The following CCDC192 variants were observed in gnomAD, a reference collection of about 807,000 sequenced individuals.
CCDC192 encodes coiled-coil domain containing 192.
intron 6 of CCDC192, among the ~76,000 whole-genome samples, chr5:127,925,534 CTG>C (rs1753839072): frequency 6.6e-6 from 1 of 152,108 alleles, no homozygotes; most frequent in Non-Finnish European, 1.5e-5. Context: ...CAATTTCTCA[CTG>C]TTGTTTTATT....
Position 127,754,124 on chromosome 5 carries a change from T to C in CCDC192, c.115-144T>C, listed in dbSNP as rs1403703260. On this transcript the variant is annotated intron_variant, in intron 2 of 6. Coordinates refer to ENST00000514853, the MANE Select transcript of CCDC192 (RefSeq NM_001317938.2). The stretch of plus-strand genomic sequence containing the variant: ...AACATTTTGCTGTTTTATTTCCATG[T>C]TAAGAAAAGGGGAGGATTTGTGTGA... 5 of 388,120 alleles carry C rather than the reference T, an allele frequency of 1.3e-5. No homozygotes were observed. The East Asian group carries it at 1.8e-4, about 14-fold the overall frequency. 24.0% of individuals were successfully genotyped at this position (388,120 alleles called of 1,614,324 possible).
intron 2 of CCDC192, among the ~76,000 whole-genome samples, chr5:127,749,167 G>A (rs1753970053): frequency 6.6e-6 from 1 of 151,854 alleles, no homozygotes; most frequent in Non-Finnish European, 1.5e-5. Context: ...GGAGTGGTGA[G>A]AGAGGGCATC....
At chr5:127,796,105 G>A (rs539661184) in intron 3 of CCDC192, among the ~76,000 whole-genome samples, 24 of 152,250 alleles carry the variant, frequency 1.6e-4, no homozygotes, top group Admixed American at 2.0e-4. Context: ...TGGATGGTTC[G>A]GTGCCAGTAT....
At chr5:127,769,671 A>G (rs62373510) in intron 3 of CCDC192, among the ~76,000 whole-genome samples, 3,055 of 152,298 alleles carry the variant, frequency 0.02, 56 homozygotes, top group Non-Finnish European at 0.027. Flanking sequence ...AGAAACAGAA[A>G]GGGGAGAGTG....
chr5:127,793,351 A>G (rs951590709), intron 3 of CCDC192, among the ~76,000 whole-genome samples: 1 of 152,238 alleles, frequency 6.6e-6, no homozygotes, highest in African/African-American at 2.4e-5. Context: ...TAGTGTCTAT[A>G]TAAAAGGAAG....
chr5:127,783,227 C>T (rs1318712650), intron 3 of CCDC192, among the ~76,000 whole-genome samples: 1 of 152,142 alleles, frequency 6.6e-6, no homozygotes, highest in African/African-American at 2.4e-5. Context: ...AACTCCTGAC[C>T]TTGTGATCCA....
intron 6 of CCDC192, among the ~76,000 whole-genome samples, chr5:127,906,509 G>C (rs1332705443): frequency 6.6e-6 from 1 of 152,100 alleles, no homozygotes; most frequent in Non-Finnish European, 1.5e-5. Flanking sequence ...TTTGAGGCTA[G>C]GTGCAGTGGC....
At chr5:127,913,930 T>C (rs1358383269) in intron 6 of CCDC192, among the ~76,000 whole-genome samples, 1 of 152,228 alleles carries the variant, frequency 6.6e-6, no homozygotes, top group Non-Finnish European at 1.5e-5. Flanking sequence ...TACATAGCTA[T>C]GCCTAACAAT....
chr5:127,902,033 G>A (rs1204631712), intron 6 of CCDC192, among the ~76,000 whole-genome samples: 3 of 152,200 alleles, frequency 2.0e-5, no homozygotes, highest in Non-Finnish European at 4.4e-5. Flanking sequence ...CACTCTGGGA[G>A]GCTAAGGCAG....
At chr5:127,828,880 G>T (rs1344999546) in intron 5 of CCDC192, among the ~76,000 whole-genome samples, 5 of 152,222 alleles carry the variant, frequency 3.3e-5, no homozygotes, top group African/African-American at 1.2e-4. Context: ...GCAGTTGGTA[G>T]CCATCAGGTG....
intron 3 of CCDC192, among the ~76,000 whole-genome samples, chr5:127,778,120 A>AT (rs1471212966): frequency 6.6e-6 from 1 of 152,122 alleles, no homozygotes; most frequent in Non-Finnish European, 1.5e-5. Context: ...TTATTTGTTC[A>AT]TATCATAGCT....
chr5:127,801,401 C>G (rs1757500545), intron 5 of CCDC192, among the ~76,000 whole-genome samples: 1 of 152,104 alleles, frequency 6.6e-6, no homozygotes, highest in African/African-American at 2.4e-5. Context: ...CTATAAGAGT[C>G]TCCTGGTTTC....
intron 2 of CCDC192, among the ~76,000 whole-genome samples, chr5:127,719,831 G>GA (rs1554068200): frequency 0.04 from 2,702 of 66,912 alleles, 93 homozygotes; most frequent in African/African-American, 0.073. Flanking sequence ...TCAGAGGAAG[G>GA]GGCGGGGGAG....
chr5:127,777,335 T>G (rs1673315250), intron 3 of CCDC192, among the ~76,000 whole-genome samples: 1 of 152,214 alleles, frequency 6.6e-6, no homozygotes, highest in South Asian at 2.1e-4. Flanking sequence ...CTTTTAGCCC[T>G]TCTGGTTGGG....
intron 6 of CCDC192, among the ~76,000 whole-genome samples, chr5:127,877,356 T>G (rs7712224): frequency 0.66 from 100,011 of 150,988 alleles, 33,017 homozygotes; most frequent in Non-Finnish European, 0.68. Context: ...TTTTTGTGGA[T>G]TTTTTTTTTA....
chr5:127,804,978 T>G (rs934597483), intron 5 of CCDC192, among the ~76,000 whole-genome samples: 1 of 152,152 alleles, frequency 6.6e-6, no homozygotes, highest in Admixed American at 6.5e-5. Context: ...CTCTCCAGCC[T>G]GATTCCTAGT....
intron 6 of CCDC192, among the ~76,000 whole-genome samples, chr5:127,930,243 TAAA>T (rs1336925063): frequency 0.011 from 1,669 of 152,022 alleles, 36 homozygotes; most frequent in Non-Finnish European, 0.014. Flanking sequence ...TAAACTAAAC[TAAA>T]CTAAACTAAA....
intron 6 of CCDC192, among the ~76,000 whole-genome samples, chr5:127,918,863 GTATA>G (rs890786972): frequency 6.6e-6 from 1 of 151,570 alleles, no homozygotes; most frequent in Non-Finnish European, 1.5e-5. Flanking sequence ...GTGCATGTGT[GTATA>G]TATGTATGTG....
intron 4 of CCDC192, among the ~76,000 whole-genome samples, chr5:127,797,748 TA>T (rs1561493988): frequency 0.029 from 726 of 24,710 alleles, 16 homozygotes; most frequent in Non-Finnish European, 0.082. Flanking sequence ...TATATATATA[TA>T]TATATATATA....
Sources: gnomAD v4.1 joint callset for allele counts (sites outside exome capture counted in the v4.1 genomes callset) on GRCh38, gnomAD v4.1.1 for gene constraint, MANE v1.5 for transcripts, NCBI Gene and HGNC (gene_info 2026-07-23, HGNC 2026-07-21) for gene names.